The following CRAMP1 variants were observed in gnomAD, a reference collection of about 807,000 sequenced individuals.
The protein encoded by CRAMP1 is cramped chromatin regulator 1.
Under a neutral mutation model 115.4 loss-of-function variants are expected in CRAMP1, and 50 were observed. That is an observed-to-expected ratio of 0.43 (90% CI 0.35 to 0.55). The LOEUF (loss-of-function observed/expected upper bound fraction) is 0.55. CRAMP1 is among the 20% of genes least tolerant of loss of function. The pLI, the probability that CRAMP1 is intolerant of heterozygous loss-of-function variation, is 0.01. For synonymous variants in CRAMP1, 866 were observed against 745.4 expected (o/e 1.16, Z -2.64); for missense variants, 1,679 against 1,721.7 (o/e 0.98, Z 0.44).
At chr16:1,613,895 A>C (rs967166423) in intron 1 of CRAMP1, among the ~76,000 whole-genome samples, 1 of 152,142 alleles carries the variant, frequency 6.6e-6, no homozygotes, top group Non-Finnish European at 1.5e-5. Flanking sequence ...TGGGAAGAAG[A>C]TTCCCAGAGA....
intron 2 of CRAMP1, among the ~76,000 whole-genome samples, chr16:1,617,202 C>T (rs1304316901): frequency 1.3e-5 from 2 of 152,122 alleles, no homozygotes; most frequent in African/African-American, 4.8e-5. Context: ...AAGTGGGTCT[C>T]CTTTGCATCA....
At position 1,656,702 on chromosome 16, in the gene CRAMP1, C is replaced by A; in HGVS notation, c.1945C>A (p.Pro649Thr). ...ELQEKGSPAG[P>T]PPSQGQPAAR... The stretch of plus-strand genomic sequence containing the variant: ...CCAGGAGAAGGGGAGCCCCGCGGGG[C>A]CTCCGCCGTCTCAGGGACAGCCTGC... The change falls in exon 10 of 21, where the codon CCT becomes ACT. Residue 649 changes from proline to threonine, a missense_variant. Pro to Thr is a conservative substitution (Grantham distance 38). This residue lies in a region of CRAMP1 where 405 missense variants were observed against 302.6 expected (regional missense o/e 1.34). Transcript: ENST00000397412. This position sits in a 1 kb window ranked among gnomAD's most constrained non-coding sequence, Gnocchi z 5.6. 6.4e-7 allele frequency: 1 copy of A among 1,556,768 alleles called. No homozygotes were observed. The highest frequency in any genetic ancestry group is 8.7e-7 in the Non-Finnish European group (1 of 1,151,042).
rs1318246406 is a variant in CRAMP1 at position 1,614,169 on chromosome 16, C to T, written c.-1-470C>T. Among the ~76,000 whole-genome samples the T allele has an allele frequency of 6.7e-6, 1 of 148,364 alleles. No individual in the cohort carries two copies. The highest frequency in any genetic ancestry group is 1.5e-5 in the Non-Finnish European group (1 of 66,574). On this transcript the variant is annotated intron_variant, in intron 1 of 20. Transcript: ENST00000397412. The surrounding 1 kb of genome is among the most constrained non-coding windows in gnomAD (Gnocchi z 4.4). The stretch of plus-strand genomic sequence containing the variant: ...AGGGCTGGGGCTGCGGCCCGGCCGG[C>T]CGAGGCGGCGCAGGGAGCGAGGCCG...
At chr16:1,667,216 T>G in intron 16 of CRAMP1, 119 bp from the exon 17 acceptor site, 1 of 739,398 alleles carries the variant, frequency 1.4e-6, no homozygotes, top group Admixed American at 2.0e-5. Context: ...TTACTGTCCC[T>G]CTGCTGTTAG....
intron 6 of CRAMP1, among the ~76,000 whole-genome samples, chr16:1,649,901 C>G (rs550612837): frequency 6.8e-6 from 1 of 146,884 alleles, no homozygotes; most frequent in Admixed American, 7.1e-5. Flanking sequence ...TCGAGTGATT[C>G]TCCTGTCTCA....
chr16:1,616,903 C>T (rs2036425121), intron 2 of CRAMP1, among the ~76,000 whole-genome samples: 3 of 151,838 alleles, frequency 2.0e-5, no homozygotes, highest in Non-Finnish European at 2.9e-5. Context: ...CAAGCTCTGC[C>T]TCCCAGGTTC....
chr16:1,645,720 C>G (rs866528965), intron 6 of CRAMP1, among the ~76,000 whole-genome samples: 8 of 152,194 alleles, frequency 5.3e-5, no homozygotes, highest in Non-Finnish European at 8.8e-5. Context: ...CTCACTCTCT[C>G]TAGCTTCACC....
At position 1,625,966 on chromosome 16, in the gene CRAMP1, C is replaced by T. The variant is rs1596483352; in HGVS notation, c.347-7C>T. 6 of 1,551,538 alleles carry T rather than the reference C, an allele frequency of 3.9e-6. No homozygotes were observed. The East Asian group carries it at 1.5e-4, about 38-fold the overall frequency. On this transcript the variant is annotated splice_polypyrimidine_tract_variant and splice_region_variant and intron_variant, in intron 2 of 20. Coordinates refer to ENST00000397412, the MANE Select transcript of CRAMP1 (RefSeq NM_020825.4). ...AACAGATCACTGTACGGTGCTTTCTCTCCAAGGAGCTGAAGGTGGTGGATC... is the reference window on the plus strand; with the variant it reads ...AACAGATCACTGTACGGTGCTTTCTTTCCAAGGAGCTGAAGGTGGTGGATC...
At position 1,668,262 on chromosome 16, in the gene CRAMP1, C is replaced by T. The variant is rs958520570; in HGVS notation, c.3334+69C>T. 6.1e-6 allele frequency: 7 copies of T among 1,147,244 alleles called. No homozygotes were observed. In the African/African-American group the frequency reaches 7.6e-5, roughly 12 times the overall value. 71.1% of individuals were successfully genotyped at this position (1,147,244 alleles called of 1,614,324 possible). ...TGATCTCCTGCCCCAATGTTTGCCA[C>T]ACTTCCTGGGGATATTCCAGTTTTG... On this transcript the variant is annotated intron_variant, in intron 18 of 20. Coordinates refer to ENST00000397412, the MANE Select transcript of CRAMP1 (RefSeq NM_020825.4).
intron 2 of CRAMP1, among the ~76,000 whole-genome samples, chr16:1,618,321 A>G (rs2036438478): frequency 1.3e-5 from 2 of 152,184 alleles, no homozygotes; most frequent in African/African-American, 2.4e-5. Context: ...CACCTGCCTT[A>G]AGTCACAAGG....
intron 6 of CRAMP1, among the ~76,000 whole-genome samples, chr16:1,649,856 C>T (rs1272530427): frequency 7.0e-6 from 1 of 143,518 alleles, no homozygotes; most frequent in East Asian, 2.1e-4. Context: ...TGCAGTGGCG[C>T]AATCTCAGCT....
chr16:1,665,220 T>C (rs1019577127), intron 14 of CRAMP1, 82 bp downstream of exon 14: 10 of 848,424 alleles, frequency 1.2e-5, no homozygotes, highest in African/African-American at 5.0e-5. Flanking sequence ...TGGGTGCTTA[T>C]TTCCATGGCC....
intron 6 of CRAMP1, among the ~76,000 whole-genome samples, chr16:1,645,191 CTTTTG>C (rs1340529093): frequency 6.6e-6 from 1 of 151,826 alleles, no homozygotes; most frequent in Admixed American, 6.6e-5. Context: ...GGTTTATTTT[CTTTTG>C]TTTTGTTTGA....
chr16:1,621,899 C>CTTTTGTTTTGTTTTGTT (rs1237019324), intron 2 of CRAMP1, among the ~76,000 whole-genome samples: 4 of 152,152 alleles, frequency 2.6e-5, no homozygotes, highest in Admixed American at 2.6e-4. Flanking sequence ...AGAAGCCCAC[C>CTTTTGTTTTGTTTTGTT]TAGTTTTGTT....
intron 4 of CRAMP1, among the ~76,000 whole-genome samples, chr16:1,635,632 GT>G (rs996848007): frequency 7.2e-5 from 11 of 152,102 alleles, no homozygotes; most frequent in Non-Finnish European, 1.3e-4. Context: ...TGGGTTGTGG[GT>G]TTTTTTCTTT....
rs1304948996 is a variant in CRAMP1 at position 1,666,118 on chromosome 16, C to T, written c.2798C>T (p.Ala933Val). 1 of 1,612,484 alleles carries T rather than the reference C, an allele frequency of 6.2e-7. No individual in the cohort carries two copies. The highest frequency in any genetic ancestry group is 2.2e-5 in the East Asian group (1 of 44,834). Residue 933 changes from alanine (A) to valine (V), a missense_variant, in exon 15 of 21, where the codon GCT becomes GTT. Physicochemically the swap from Ala to Val is moderately conservative, Grantham distance 64. Transcript: ENST00000397412. This position sits in a 1 kb window ranked among gnomAD's most constrained non-coding sequence, Gnocchi z 5.0. ...RPIQSSLTKA[A>V]LSRPIVPKVL... ...ATCCAGTCTTCTCTGACCAAAGCAG[C>T]TCTGTCTCGGCCGATCGTGCCCAAG...
intron 13 of CRAMP1, among the ~76,000 whole-genome samples, chr16:1,664,656 A>G (rs1283153796): frequency 1.3e-5 from 2 of 152,060 alleles, no homozygotes; most frequent in Non-Finnish European, 2.9e-5. Context: ...GCGAGTGCCT[A>G]TAATCCCAGC....
At position 1,665,815 on chromosome 16, in the gene CRAMP1, G is replaced by A. The variant is rs116805560; in HGVS notation, c.2753-258G>A. The A allele has an allele frequency of 7.6e-3, 3,649 of 480,106 alleles. 126 individuals carry two copies. The highest frequency in any genetic ancestry group is 0.063 in the African/African-American group (3,237 of 51,274). 29.7% of individuals were successfully genotyped at this position (480,106 alleles called of 1,614,324 possible). On this transcript the variant is annotated intron_variant, in intron 14 of 20. Coordinates refer to ENST00000397412, the MANE Select transcript of CRAMP1 (RefSeq NM_020825.4). ...TTGTCACCCTTCAAGAGCCATTTCC[G>A]CAGGATGACAGTGGTGACCGCAGCC...
At chr16:1,645,694 C>T (rs958371913) in intron 6 of CRAMP1, among the ~76,000 whole-genome samples, 5 of 152,246 alleles carry the variant, frequency 3.3e-5, no homozygotes, top group East Asian at 1.9e-4. Context: ...TCGTAGTGCC[C>T]CCAGAAGCCA....
Sources: allele counts gnomAD v4.1 joint callset (sites outside exome capture counted in the v4.1 genomes callset), GRCh38; gene constraint gnomAD v4.1.1; regional missense constraint gnomAD v4.1.1; non-coding constraint Gnocchi (gnomAD v3.1); transcripts MANE v1.5; gene names NCBI Gene and HGNC (gene_info 2026-07-23, HGNC 2026-07-21).